CCDC158: variants seen among roughly 807,000 people sequenced by gnomAD.
The protein encoded by CCDC158 is coiled-coil domain containing 158.
In CCDC158, 116 loss-of-function variants were observed where a neutral mutation model predicts 138.6. The observed-to-expected ratio is 0.84, with a 90% confidence interval of 0.72 to 0.98. The LOEUF is 0.98. Ranked by LOEUF, CCDC158 falls within the 50% of genes least tolerant of loss-of-function variation. The probability of loss-of-function intolerance (pLI) is 0.00; values close to 1 mark genes in which losing one functional copy is unlikely to be tolerated. For missense variants in CCDC158, 1,265 were observed against 1,306.1 expected (o/e 0.97, Z 0.48); for synonymous variants, 436 against 442.4 (o/e 0.99, Z 0.18).
intron 24 of CCDC158, among the ~76,000 whole-genome samples, chr4:76,318,711 A>G (rs886523624): frequency 6.6e-6 from 1 of 152,242 alleles, no homozygotes; most frequent in Non-Finnish European, 1.5e-5. Context: ...TAACAAAAAA[A>G]GAAAACTACA....
intron 3 of CCDC158, among the ~76,000 whole-genome samples, chr4:76,396,959 G>T (rs1434147710): frequency 6.6e-6 from 1 of 152,122 alleles, no homozygotes; most frequent in Non-Finnish European, 1.5e-5. Context: ...AGCAATTTTG[G>T]CCTTAAGCTG....
At chr4:76,414,347 C>G (rs894035183) in intron 1 of CCDC158, 1 of 152,152 alleles carries the variant, frequency 6.6e-6, no homozygotes, top group African/African-American at 2.4e-5. Context: ...AATTCCATAT[C>G]CAATTAATCA....
chr4:76,407,609 T>C (rs1728936440), intron 2 of CCDC158, among the ~76,000 whole-genome samples: 1 of 152,172 alleles, frequency 6.6e-6, no homozygotes, highest in African/African-American at 2.4e-5. Flanking sequence ...GGATAATGAA[T>C]GACACTAAGA....
chr4:76,327,175 A>C (rs962451944), intron 22 of CCDC158, among the ~76,000 whole-genome samples: 3 of 152,186 alleles, frequency 2.0e-5, no homozygotes, highest in Non-Finnish European at 2.9e-5. Flanking sequence ...TCACTGAAAC[A>C]ATAGTAAAAA....
chr4:76,383,174 A>G (rs902489808), intron 7 of CCDC158, among the ~76,000 whole-genome samples: 1 of 152,164 alleles, frequency 6.6e-6, no homozygotes, highest in African/African-American at 2.4e-5. Flanking sequence ...CCTCTTTTCA[A>G]CTATGCCTCA....
At chr4:76,334,529 C>G (rs1285974760) in intron 18 of CCDC158, among the ~76,000 whole-genome samples, 1 of 152,076 alleles carries the variant, frequency 6.6e-6, no homozygotes, top group Non-Finnish European at 1.5e-5. Flanking sequence ...TTGTTTAAAG[C>G]TAAACTAATT....
At position 76,419,039 on chromosome 4, in the gene CCDC158, C is replaced by A. The variant is rs115019451; in HGVS notation, c.-117+1926G>T. Among the ~76,000 whole-genome samples the A allele has an allele frequency of 9.9e-3, 1,512 of 152,280 alleles. 20 individuals carry two copies. The highest frequency in any genetic ancestry group is 0.035 in the African/African-American group (1,442 of 41,534). ...AATCCCCAGGTGTCTGCAACTCTTA[C>A]TTGATATACACACAATGGATAATCA... On this transcript the variant is annotated intron_variant, in intron 1 of 24. Transcript: ENST00000682701.
intron 1 of CCDC158, among the ~76,000 whole-genome samples, 137 bp downstream of exon 1, chr4:76,420,828 A>C (rs2109946073): frequency 6.6e-6 from 1 of 152,262 alleles, no homozygotes; most frequent in African/African-American, 2.4e-5. Context: ...GAAACAATTT[A>C]TTGGGCATCT....
At chr4:76,410,727 C>T (rs897653213) in intron 2 of CCDC158, among the ~76,000 whole-genome samples, 1 of 152,188 alleles carries the variant, frequency 6.6e-6, no homozygotes, top group African/African-American at 2.4e-5. Context: ...CTGGTACAAT[C>T]TCAGAAACAC....
rs1452814736 is a variant in CCDC158 at position 76,326,027 on chromosome 4, C to T, written c.3011-12G>A. ...CACAGATGGACTTGCTAAAAGTTTG[C>T]AAGAATAAAAGTAAAAGGACAGAAT... On this transcript the variant is annotated splice_polypyrimidine_tract_variant and intron_variant, in intron 22 of 24. Coordinates refer to ENST00000682701, the MANE Select transcript of CCDC158 (RefSeq NM_001394954.1). 6.2e-7 allele frequency: 1 copy of T among 1,601,610 alleles called. No individual in the cohort carries two copies. Among genetic ancestry groups the T allele is most frequent in the South Asian group, 1.1e-5 (1 of 88,656 alleles).
intron 2 of CCDC158, among the ~76,000 whole-genome samples, chr4:76,406,447 A>G (rs772056657): frequency 6.6e-6 from 1 of 152,230 alleles, no homozygotes; most frequent in Non-Finnish European, 1.5e-5. Flanking sequence ...TAAAAGATTT[A>G]GAAGAACTAA....
At chr4:76,413,822 A>G (rs1019750129) in intron 1 of CCDC158, among the ~76,000 whole-genome samples, 7 of 152,260 alleles carry the variant, frequency 4.6e-5, no homozygotes, top group Non-Finnish European at 8.8e-5. Flanking sequence ...CACAGATGAT[A>G]TCAGTCAACA....
chr4:76,368,858 A>G lies in CCDC158; in HGVS notation c.1347+568T>C, dbSNP rs1302361655. 2.0e-5 allele frequency among the ~76,000 whole-genome samples: 3 copies of G among 152,334 alleles called. No individual in the cohort carries two copies. The East Asian group carries it at 5.8e-4, about 29-fold the overall frequency. On this transcript the variant is annotated intron_variant, in intron 11 of 24. Transcript: ENST00000682701. ...TAGGTAAACGTGAAAAGGCAATGGG[A>G]TAAGAGTTTAGTTCTTCAACAATGT...
intron 24 of CCDC158, among the ~76,000 whole-genome samples, chr4:76,319,799 A>G (rs1304095529): frequency 6.6e-6 from 1 of 152,060 alleles, no homozygotes; most frequent in Non-Finnish European, 1.5e-5. Context: ...CCTCAAGGTA[A>G]CCAAAACCAT....
chr4:76,350,102 C>T (rs1023288615), intron 18 of CCDC158, among the ~76,000 whole-genome samples: 2 of 152,166 alleles, frequency 1.3e-5, no homozygotes, highest in Non-Finnish European at 1.5e-5. Context: ...TTTCATAACA[C>T]TTAAAAAGCA....
In CCDC158 at chr4:76,345,312, AC is replaced by A; in HGVS notation, c.2664+5683del. On this transcript the variant is annotated intron_variant, in intron 18 of 24. Coordinates refer to ENST00000682701, the MANE Select transcript of CCDC158 (RefSeq NM_001394954.1). ...TGCTAAGGATCTCTTATACAGACAC[AC>A]CAAAGCCCTCATTGATTATGAGAAC... 3.7e-6 allele frequency: 4 copies of A among 1,084,518 alleles called. No individual in the cohort carries two copies. In the South Asian group the frequency reaches 5.0e-5, roughly 13 times the overall value. 67.2% of individuals were successfully genotyped at this position (1,084,518 alleles called of 1,614,324 possible). A position where few individuals can be genotyped will look rare whatever the true frequency, so the allele number is the denominator to read the frequency against.
intron 24 of CCDC158, among the ~76,000 whole-genome samples, chr4:76,321,516 AC>A (rs1719995742): frequency 1.3e-5 from 2 of 150,870 alleles, no homozygotes; most frequent in Non-Finnish European, 3.0e-5. Flanking sequence ...ATGCTCACCA[AC>A]CAACTAGTGG....
rs1010808353 is a variant in CCDC158 at position 76,417,744 on chromosome 4, G to A, written c.-117+3221C>T. The stretch of plus-strand genomic sequence containing the variant: ...CAGCTCCTCTAGTTAGGGTAGGTGA[G>A]GGAAGGCCTTCCTAAGGAGGTGGCA... On this transcript the variant is annotated intron_variant, in intron 1 of 24. Coordinates refer to ENST00000682701, the MANE Select transcript of CCDC158 (RefSeq NM_001394954.1). 2.0e-5 allele frequency among the ~76,000 whole-genome samples: 3 copies of A among 152,158 alleles called. No individual in the cohort carries two copies. In the South Asian group the frequency reaches 6.2e-4, roughly 32 times the overall value.
At position 76,344,663 on chromosome 4, in the gene CCDC158, G is replaced by C. The variant is rs1722373845; in HGVS notation, c.2664+6333C>G. Reference sequence around the variant, plus strand: ...TTACAGTGCACACAAAGACCACACTGCCCATGTTTCAGAGCCCAGAGTTTT... The same window carrying C: ...TTACAGTGCACACAAAGACCACACTCCCCATGTTTCAGAGCCCAGAGTTTT... On this transcript the variant is annotated intron_variant, in intron 18 of 24. Coordinates refer to ENST00000682701, the MANE Select transcript of CCDC158 (RefSeq NM_001394954.1). The C allele has an allele frequency of 2.5e-6, 4 of 1,610,892 alleles. No homozygotes were observed. In the African/African-American group the frequency reaches 4.0e-5, roughly 16 times the overall value.
Sources: gnomAD v4.1 joint callset for allele counts (sites outside exome capture counted in the v4.1 genomes callset) on GRCh38, gnomAD v4.1.1 for gene constraint, MANE v1.5 for transcripts, NCBI Gene and HGNC (gene_info 2026-07-23, HGNC 2026-07-21) for gene names.